Variants in PCDHA4 observed in about 807,000 individuals in gnomAD.
The protein encoded by PCDHA4 is protocadherin alpha 4, also known as protocadherin alpha-4.
A neutral mutation model predicts 61.4 loss-of-function variants in PCDHA4; 49 were observed. That is an observed-to-expected ratio of 0.80 (90% CI 0.63 to 1.01). PCDHA4 has a LOEUF of 1.01. Ranked by LOEUF, PCDHA4 falls within the 50% of genes least tolerant of loss-of-function variation. The pLI is 0.00. For synonymous variants in PCDHA4, 590 were observed against 550.3 expected, an observed-to-expected ratio of 1.07 and a Z score of -1.01; for missense variants, 1,254 against 1,235.8, an observed-to-expected ratio of 1.01 and a Z score of -0.22.
At chr5:141,005,548 A>G (rs970223535) in intron 3 of PCDHA4, among the ~76,000 whole-genome samples, 2 of 151,322 alleles carry the variant, frequency 1.3e-5, no homozygotes, top group African/African-American at 4.9e-5. Flanking sequence ...CTAAAAATAC[A>G]AAAATTAGCC....
At position 140,807,152 on chromosome 5, in the gene PCDHA4, C is replaced by G; in HGVS notation, c.-36C>G. 1 of 1,579,498 alleles carries G rather than the reference C, an allele frequency of 6.3e-7. No homozygotes were observed. ...AAAGATTTCCCTTGACTTTGAGAAA[C>G]GATATTTAATCAGAACAAAATACTG... On this transcript the variant is annotated 5_prime_UTR_variant, in exon 1 of 4. Coordinates refer to ENST00000530339, the MANE Select transcript of PCDHA4 (RefSeq NM_018907.4).
chr5:140,943,719 T>G (rs1198620937), intron 1 of PCDHA4, among the ~76,000 whole-genome samples: 2 of 152,126 alleles, frequency 1.3e-5, no homozygotes, highest in African/African-American at 4.8e-5. Context: ...TTTAAAGGTC[T>G]GAGAGAATGA....
At chr5:140,968,563 T>G in intron 1 of PCDHA4, 1 of 1,614,204 alleles carries the variant, frequency 6.2e-7, no homozygotes, top group South Asian at 1.1e-5. Context: ...GAACTGCCCC[T>G]GCTGGCTACC....
chr5:140,999,295 T>G (rs1554256739), intron 3 of PCDHA4, among the ~76,000 whole-genome samples: 1 of 152,238 alleles, frequency 6.6e-6, no homozygotes, highest in Non-Finnish European at 1.5e-5. Context: ...ATTCTTTATT[T>G]CAGAATTTCT....
chr5:140,891,885 C>T (rs546305739), intron 1 of PCDHA4, among the ~76,000 whole-genome samples: 22 of 152,288 alleles, frequency 1.4e-4, no homozygotes, highest in African/African-American at 2.2e-4. Context: ...TGTCATGTGA[C>T]GATGCAGCAA....
At chr5:140,884,345 C>T (rs782318945) in intron 1 of PCDHA4, 1 of 1,613,798 alleles carries the variant, frequency 6.2e-7, no homozygotes, top group Non-Finnish European at 8.5e-7. Flanking sequence ...AGAAGCGGCG[C>T]TGGTGGATGT....
At chr5:140,944,241 G>A (rs2093630107) in intron 1 of PCDHA4, among the ~76,000 whole-genome samples, 1 of 152,196 alleles carries the variant, frequency 6.6e-6, no homozygotes, top group African/African-American at 2.4e-5. Context: ...AGGCTGGAGT[G>A]CAGTGATGTG....
chr5:140,941,347 T>C (rs246069), intron 1 of PCDHA4, among the ~76,000 whole-genome samples: 97,460 of 130,222 alleles, frequency 0.75, 37,726 homozygotes, highest in African/African-American at 0.94. Context: ...GATGGAGTCT[T>C]GCTCTGTTGC....
chr5:140,865,536 A>G (rs2048910301), intron 1 of PCDHA4: 1 of 152,222 alleles, frequency 6.6e-6, no homozygotes, highest in African/African-American at 2.4e-5. Flanking sequence ...CTTCATCCAT[A>G]GCTATAGGAC....
At chr5:140,826,108 A>C (rs1252391414) in intron 1 of PCDHA4, among the ~76,000 whole-genome samples, 1 of 152,218 alleles carries the variant, frequency 6.6e-6, no homozygotes, top group East Asian at 1.9e-4. Context: ...CATGCTATTT[A>C]TATATTCCTA....
intron 1 of PCDHA4, chr5:140,865,236 G>A (rs192476838): frequency 8.5e-5 from 13 of 152,224 alleles, no homozygotes; most frequent in Admixed American, 3.3e-4. Flanking sequence ...CAGAGAACAC[G>A]TATTTATAGC....
At chr5:140,842,962 C>G (rs1554139576) in intron 1 of PCDHA4, 1 of 1,594,950 alleles carries the variant, frequency 6.3e-7, no homozygotes, top group African/African-American at 1.3e-5. Context: ...CTCTGGGCAG[C>G]AACGTGACGC....
intron 1 of PCDHA4, chr5:140,869,731 T>C (rs1554163388): frequency 6.2e-7 from 1 of 1,613,416 alleles, no homozygotes. Flanking sequence ...GGAACTTAAT[T>C]TGCTGCTAAC....
intron 1 of PCDHA4, chr5:140,849,388 T>G: frequency 6.5e-7 from 1 of 1,533,538 alleles, no homozygotes; most frequent in Non-Finnish European, 8.9e-7. Context: ...ATGGACCCCT[T>G]AAGTGGGGCA....
chr5:140,967,451 G>A, intron 1 of PCDHA4: 2 of 1,613,628 alleles, frequency 1.2e-6, no homozygotes, highest in South Asian at 2.2e-5. Flanking sequence ...GGTTCTCACA[G>A]CCGTGGATGG....
At chr5:140,929,530 G>A in intron 1 of PCDHA4, 1 of 636,248 alleles carries the variant, frequency 1.6e-6, no homozygotes, top group Non-Finnish European at 2.3e-6. Flanking sequence ...GTTTATTTTT[G>A]AGAAACAAGG....
At chr5:140,927,366 A>C in intron 1 of PCDHA4, 1 of 1,614,088 alleles carries the variant, frequency 6.2e-7, no homozygotes, top group Non-Finnish European at 8.5e-7. Context: ...GCAATGGGAT[A>C]CTAAGCTACA....
intron 2 of PCDHA4, among the ~76,000 whole-genome samples, chr5:140,982,129 A>G (rs2153827592): frequency 6.6e-6 from 1 of 152,376 alleles, no homozygotes; most frequent in East Asian, 1.9e-4. Context: ...TTTGAGAACA[A>G]GCCCTCCTCA....
In PCDHA4 at chr5:140,851,734, A is replaced by G. The variant is rs2042144947; in HGVS notation, c.2385+42162A>G. 4.1e-6 allele frequency: 4 copies of G among 971,568 alleles called. 1 individual carries two copies. In the South Asian group the frequency reaches 1.9e-4, roughly 46 times the overall value. 60.2% of individuals were successfully genotyped at this position (971,568 alleles called of 1,614,324 possible). On this transcript the variant is annotated intron_variant, in intron 1 of 3. Coordinates refer to ENST00000530339, the MANE Select transcript of PCDHA4 (RefSeq NM_018907.4). ...AGATTCGAAACTTCGAGTTCTTTTG[A>G]AATTCAGAGTCTGTAACTTAAAACA...
Sources: gnomAD v4.1 joint callset for allele counts (sites outside exome capture counted in the v4.1 genomes callset) on GRCh38, gnomAD v4.1.1 for gene constraint, MANE v1.5 for transcripts, NCBI Gene and HGNC (gene_info 2026-07-23, HGNC 2026-07-21) for gene names.